SDCBP: variants seen among roughly 807,000 people sequenced by gnomAD.
SDCBP encodes syntenin-1.
SDCBP carries 22 observed loss-of-function variants against 30.5 expected under a neutral mutation model. The ratio of observed to expected loss-of-function variants is 0.72; its 90% confidence interval spans 0.52 to 1.03. SDCBP has a LOEUF of 1.03. Ranked by LOEUF, SDCBP falls within the 50% of genes least tolerant of loss-of-function variation. SDCBP has a pLI of 0.00. For synonymous variants in SDCBP, 103 were observed against 118.7 expected, an observed-to-expected ratio of 0.87 and a Z score of 0.86; for missense variants, 304 against 369.9, an observed-to-expected ratio of 0.82 and a Z score of 1.46.
intron 2 of SDCBP, among the ~76,000 whole-genome samples, chr8:58,566,662 TTTTTG>T (rs1012801566): frequency 2.0e-5 from 3 of 152,132 alleles, no homozygotes. Flanking sequence ...TCTTTGGCTG[TTTTTG>T]TTTTGTTTTG....
chr8:58,581,634 T>C, intron 8 of SDCBP, 52 bp from the exon 9 acceptor site: 1 of 1,432,902 alleles, frequency 7.0e-7, no homozygotes, highest in Non-Finnish European at 9.8e-7. Context: ...TGTAGCATTT[T>C]GAAAAACAAA....
At chr8:58,555,513 G>A (rs567696151) in intron 1 of SDCBP, among the ~76,000 whole-genome samples, 1 of 151,854 alleles carries the variant, frequency 6.6e-6, no homozygotes, top group Admixed American at 6.6e-5. Context: ...AAACCCCCAG[G>A]ATACTTATTA....
intron 1 of SDCBP, among the ~76,000 whole-genome samples, chr8:58,554,506 C>T (rs1803991165): frequency 1.3e-5 from 2 of 152,044 alleles, no homozygotes; most frequent in Non-Finnish European, 2.9e-5. Context: ...AGTAGAATGA[C>T]TTTTAAAATG....
chr8:58,574,802 A>G (rs977746332), intron 4 of SDCBP, among the ~76,000 whole-genome samples: 1 of 152,182 alleles, frequency 6.6e-6, no homozygotes, highest in Admixed American at 6.5e-5. Context: ...ACATTGTGAA[A>G]TGATTACCAC....
Position 58,578,055 on chromosome 8 carries a change from A to G in SDCBP, c.425A>G (p.Gln142Arg). 19 of 1,613,734 alleles carry G rather than the reference A, an allele frequency of 1.2e-5. No homozygotes were observed. The highest frequency in any genetic ancestry group is 1.6e-5 in the Non-Finnish European group (19 of 1,179,656). ...TAGGGTATATTTGTTCAGCTAGTCC[A>G]GGCTAATTCTCCAGCCTCATTGGTT... ...IDNGIFVQLV[Q>R]ANSPASLVGL... The change falls in exon 6 of 9, where the codon CAG (glutamine) becomes CGG (arginine). Residue 142 changes from glutamine (Q) to arginine (R), a missense_variant. Transcript: ENST00000260130.
rs1453027986 is a variant in SDCBP at position 58,576,058 on chromosome 8, T to C, written c.399T>C (p.Asp133=). The C allele has an allele frequency of 3.1e-6, 5 of 1,602,930 alleles. No individual in the cohort carries two copies. The highest frequency in any genetic ancestry group is 4.3e-6 in the Non-Finnish European group (5 of 1,170,414). The change falls in exon 5 of 9, where the codon GAT becomes GAC. Residue 133 remains aspartate, a synonymous_variant. Transcript: ENST00000260130. ...TTGGACTCAGGCTTAAATCAATAGA[T>C]AATGTAAGTATTTTAAATACCTATT... The part of the protein sequence containing the change: ...GKIGLRLKSI[D]NGIFVQLVQA...
At chr8:58,572,134 G>C (rs1383172261) in intron 3 of SDCBP, 71 bp from the exon 4 acceptor site, 1 of 845,774 alleles carries the variant, frequency 1.2e-6, no homozygotes, top group African/African-American at 1.7e-5. Context: ...ATACGCAGAA[G>C]CCCATAATGA....
chr8:58,569,697 G>T (rs913865919), intron 2 of SDCBP, among the ~76,000 whole-genome samples: 1 of 151,582 alleles, frequency 6.6e-6, no homozygotes, highest in African/African-American at 2.4e-5. Context: ...CATGATTCAA[G>T]AAGTAATATA....
At position 58,574,088 on chromosome 8, in the gene SDCBP, G is replaced by T. The variant is rs115975523; in HGVS notation, c.240+1774G>T. Reference sequence around the variant, plus strand: ...TATAAAAATCATTTTTAACTCAGGGGTGTACAAAATGAAGCCATGTACCCT... The same window carrying T: ...TATAAAAATCATTTTTAACTCAGGGTTGTACAAAATGAAGCCATGTACCCT... On this transcript the variant is annotated intron_variant, in intron 4 of 8. Transcript: ENST00000260130. 4.6e-3 allele frequency among the ~76,000 whole-genome samples: 705 copies of T among 152,058 alleles called. 5 individuals carry two copies. Among genetic ancestry groups the T allele is most frequent in the African/African-American group, 0.016 (670 of 41,454 alleles).
chr8:58,571,840 AGTT>A (rs1358302936), intron 3 of SDCBP, among the ~76,000 whole-genome samples: 2 of 152,176 alleles, frequency 1.3e-5, no homozygotes, highest in Non-Finnish European at 2.9e-5. Flanking sequence ...TATTTTGGTC[AGTT>A]GTTCTGAATT....
chr8:58,562,903 A>G (rs1264355565), intron 1 of SDCBP, among the ~76,000 whole-genome samples: 1 of 152,200 alleles, frequency 6.6e-6, no homozygotes, highest in Non-Finnish European at 1.5e-5. Flanking sequence ...TCTACAGAAT[A>G]AGAAAAGTAT....
chr8:58,571,029 T>A, intron 3 of SDCBP, 64 bp downstream of exon 3: 1 of 1,259,610 alleles, frequency 7.9e-7, no homozygotes, highest in African/African-American at 1.5e-5. Context: ...TTTGCTCATA[T>A]AAGGAATCCA....
At chr8:58,565,449 A>T (rs1303241637) in intron 2 of SDCBP, among the ~76,000 whole-genome samples, 1 of 152,080 alleles carries the variant, frequency 6.6e-6, no homozygotes, top group Non-Finnish European at 1.5e-5. Context: ...AGGTATGACC[A>T]CTCTTTAATT....
intron 1 of SDCBP, among the ~76,000 whole-genome samples, chr8:58,555,459 C>T (rs955358197): frequency 3.9e-5 from 6 of 152,188 alleles, no homozygotes; most frequent in Admixed American, 2.0e-4. Flanking sequence ...TATTCTATTA[C>T]AGTGGACTTC....
At chr8:58,581,603 T>G (rs1270598191) in intron 8 of SDCBP, 83 bp from the exon 9 acceptor site, 1 of 990,408 alleles carries the variant, frequency 1.0e-6, no homozygotes, top group East Asian at 2.4e-5. Context: ...TAAATTGGAA[T>G]TGGGAATTTT....
chr8:58,575,819 GAGTAAGTTCCAGTT>G, intron 4 of SDCBP, 67 bp from the exon 5 acceptor site: 2 of 1,286,664 alleles, frequency 1.6e-6, no homozygotes, highest in Non-Finnish European at 2.2e-6. Flanking sequence ...AGCCAAAACT[GAGTAAGTTCCAGTT>G]AATTATCATT....
chr8:58,560,460 G>A (rs1484072791), intron 1 of SDCBP: 1 of 152,138 alleles, frequency 6.6e-6, no homozygotes, highest in Non-Finnish European at 1.5e-5. Context: ...CTACCCCCAA[G>A]GGACTGGCTT....
Position 58,572,273 on chromosome 8 carries a change from C to G in SDCBP, c.199C>G (p.Arg67Gly). The change falls in exon 4 of 9, where the codon CGT (arginine) becomes GGT (glycine). Residue 67 changes from arginine to glycine, a missense_variant. Transcript: ENST00000260130. Reference sequence around the variant, plus strand: ...GCTGAGTTTAAATGAAGAAGAAATACGTGCAAATGTGGCCGTGGTTTCTGG... The same window carrying G: ...GCTGAGTTTAAATGAAGAAGAAATAGGTGCAAATGTGGCCGTGGTTTCTGG... ...MGLSLNEEEIRANVAVVSGAP... is the reference protein window; with the variant it reads ...MGLSLNEEEIGANVAVVSGAP... The G allele has an allele frequency of 2.5e-6, 4 of 1,612,310 alleles. No individual in the cohort carries two copies. The highest frequency in any genetic ancestry group is 2.5e-6 in the Non-Finnish European group (3 of 1,179,502).
chr8:58,556,987 ATT>A lies in SDCBP; in HGVS notation c.-16+3685_-16+3686del, dbSNP rs1029312673. ...ATATATTATATATAACATAATATAT[ATT>A]GTATATCATACTATTATACTATATC... On this transcript the variant is annotated intron_variant, in intron 1 of 8. Coordinates refer to ENST00000260130, the MANE Select transcript of SDCBP (RefSeq NM_005625.4). Among the ~76,000 whole-genome samples, 91 of 139,130 alleles carry A rather than the reference ATT, an allele frequency of 6.5e-4. 1 individual carries two copies. The highest frequency in any genetic ancestry group is 9.6e-4 in the Admixed American group (13 of 13,548). 91.3% of individuals were successfully genotyped at this position (139,130 alleles called of 152,430 possible).
Sources: gnomAD v4.1 joint callset for allele counts (sites outside exome capture counted in the v4.1 genomes callset) on GRCh38, gnomAD v4.1.1 for gene constraint, MANE v1.5 for transcripts, NCBI Gene and HGNC (gene_info 2026-07-23, HGNC 2026-07-21) for gene names.